PKNOX2: variants seen among roughly 807,000 people sequenced by gnomAD.
The protein encoded by PKNOX2 is homeobox protein PKNOX2.
PKNOX2 carries 14 observed loss-of-function variants against 53.1 expected under a neutral mutation model. That is an observed-to-expected ratio of 0.26 (90% CI 0.17 to 0.41). The LOEUF (loss-of-function observed/expected upper bound fraction) is 0.41. Ranked by LOEUF, PKNOX2 falls within the 10% of genes least tolerant of loss-of-function variation. The pLI is 1.00. For synonymous variants in PKNOX2, 257 were observed against 242.8 expected, an observed-to-expected ratio of 1.06 and a Z score of -0.54; for missense variants, 496 against 602.8, an observed-to-expected ratio of 0.82 and a Z score of 1.85.
Position 125,205,977 on chromosome 11 carries a change from G to A in PKNOX2, c.-200-29068G>A, listed in dbSNP as rs117449068. 1.8e-3 allele frequency among the ~76,000 whole-genome samples: 273 copies of A among 152,204 alleles called. 11 individuals are homozygous for A. In the East Asian group the frequency reaches 0.05, roughly 28 times the overall value. ...TGAATGAGTGGCACAGATTCTATGT[G>A]CTAAGGGAATTCCAGGAAGAAAGAG... is the stretch of plus-strand genomic sequence containing the variant. On this transcript the variant is annotated intron_variant, in intron 1 of 12. Coordinates refer to ENST00000298282, the MANE Select transcript of PKNOX2 (RefSeq NM_001382323.2).
chr11:125,200,446 C>T (rs572096314), intron 1 of PKNOX2, among the ~76,000 whole-genome samples: 5 of 152,328 alleles, frequency 3.3e-5, no homozygotes, highest in Admixed American at 1.3e-4. Flanking sequence ...CTCGTTTCCT[C>T]GTAGCCCAGT....
chr11:125,314,826 G>A (rs1207026249), intron 2 of PKNOX2, among the ~76,000 whole-genome samples: 1 of 152,152 alleles, frequency 6.6e-6, no homozygotes, highest in East Asian at 1.9e-4. Flanking sequence ...GCCCTGGCTG[G>A]ACACTGGATT....
At chr11:125,191,305 C>T (rs1956862443) in intron 1 of PKNOX2, 1 of 152,184 alleles carries the variant, frequency 6.6e-6, no homozygotes, top group Admixed American at 6.5e-5. Context: ...TCACCACAGG[C>T]TACTGCCTGT....
In PKNOX2 at chr11:125,432,656, T is replaced by C. The variant is rs943226362; in HGVS notation, c.*1264T>C. On this transcript the variant is annotated 3_prime_UTR_variant, in exon 13 of 13. Coordinates refer to ENST00000298282, the MANE Select transcript of PKNOX2 (RefSeq NM_001382323.2). ...CTGGAAGGAGGAGGAGGCTCTCCAC[T>C]GTCCACCCTAACACATACCCTCCCA... 6.5e-6 allele frequency: 1 copy of C among 152,830 alleles called. No homozygotes were observed. The highest frequency in any genetic ancestry group is 2.4e-5 in the African/African-American group (1 of 41,474). The allele number at this position is 152,830 out of a possible 1,614,324, so 9.5% of individuals were successfully genotyped here.
chr11:125,202,904 G>A (rs925133282), intron 1 of PKNOX2, among the ~76,000 whole-genome samples: 1 of 152,060 alleles, frequency 6.6e-6, no homozygotes, highest in African/African-American at 2.4e-5. Context: ...GGTATTTTTA[G>A]AGTTTAAAAA....
chr11:125,219,038 C>G (rs1429536863), intron 1 of PKNOX2, among the ~76,000 whole-genome samples: 1 of 152,164 alleles, frequency 6.6e-6, no homozygotes, highest in East Asian at 1.9e-4. Flanking sequence ...TAAATCATGT[C>G]AACTGCAAAA....
intron 7 of PKNOX2, among the ~76,000 whole-genome samples, chr11:125,402,792 C>A (rs140142056): frequency 6.6e-6 from 1 of 152,318 alleles, no homozygotes; most frequent in Non-Finnish European, 1.5e-5. Flanking sequence ...AACTCAGCAT[C>A]CTTCATCCTT....
chr11:125,397,842 C>T (rs1309929540), intron 6 of PKNOX2, 32 bp from the exon 7 acceptor site: 9 of 1,579,094 alleles, frequency 5.7e-6, no homozygotes, highest in Middle Eastern at 1.7e-4. Context: ...GGGATGCAAA[C>T]ACCTGGGCTC....
intron 4 of PKNOX2, among the ~76,000 whole-genome samples, chr11:125,358,476 T>G (rs1951743818): frequency 6.6e-6 from 1 of 152,176 alleles, no homozygotes; most frequent in South Asian, 2.1e-4. Flanking sequence ...GCCCAGGAAA[T>G]GCAGTTAGGG....
intron 1 of PKNOX2, among the ~76,000 whole-genome samples, chr11:125,207,488 T>C (rs191310623): frequency 2.0e-5 from 3 of 152,034 alleles, no homozygotes; most frequent in Non-Finnish European, 4.4e-5. Context: ...GTTTAAAACA[T>C]GATGCGAGAG....
At chr11:125,406,413 G>A (rs1016225045) in intron 7 of PKNOX2, among the ~76,000 whole-genome samples, 16 of 152,170 alleles carry the variant, frequency 1.1e-4, no homozygotes, top group African/African-American at 2.2e-4. Context: ...CTCTGCCTGC[G>A]TGCGCAACCC....
chr11:125,239,414 C>A (rs1021405356), intron 2 of PKNOX2, among the ~76,000 whole-genome samples: 8 of 152,164 alleles, frequency 5.3e-5, no homozygotes, highest in Non-Finnish European at 8.8e-5. Flanking sequence ...AGCTCAGAAT[C>A]CAGCCAGCCC....
intron 6 of PKNOX2, among the ~76,000 whole-genome samples, chr11:125,391,826 T>C (rs975453442): frequency 1.3e-5 from 2 of 152,144 alleles, no homozygotes; most frequent in African/African-American, 4.8e-5. Context: ...GAGCAACACC[T>C]GGGGAGAGGA....
intron 7 of PKNOX2, among the ~76,000 whole-genome samples, chr11:125,401,219 G>GAA (rs2135478132): frequency 6.6e-6 from 1 of 152,256 alleles, no homozygotes; most frequent in East Asian, 1.9e-4. Flanking sequence ...AAAAGAGCAA[G>GAA]AGAGAGAGAC....
intron 7 of PKNOX2, among the ~76,000 whole-genome samples, chr11:125,409,776 A>G (rs1399299250): frequency 6.6e-6 from 1 of 152,106 alleles, no homozygotes; most frequent in African/African-American, 2.4e-5. Flanking sequence ...GGAGCTTTTA[A>G]TAACCCGGAG....
chr11:125,306,949 AGAG>A (rs1948502994), intron 2 of PKNOX2, among the ~76,000 whole-genome samples: 1 of 152,176 alleles, frequency 6.6e-6, no homozygotes, highest in South Asian at 2.1e-4. Context: ...GAGAGGGTGA[AGAG>A]GAGCTTTGGC....
At chr11:125,395,632 G>A (rs538836436) in intron 6 of PKNOX2, among the ~76,000 whole-genome samples, 1 of 152,256 alleles carries the variant, frequency 6.6e-6, no homozygotes, top group East Asian at 1.9e-4. Context: ...TAGGTGTGTA[G>A]TGATATCTCA....
intron 2 of PKNOX2, among the ~76,000 whole-genome samples, chr11:125,242,679 T>C (rs1483984219): frequency 1.3e-5 from 2 of 152,020 alleles, no homozygotes; most frequent in African/African-American, 4.8e-5. Context: ...GAGGGCGGGT[T>C]GTGTGTGAGT....
chr11:125,420,713 A>G (rs537800493), intron 10 of PKNOX2, among the ~76,000 whole-genome samples: 6 of 152,300 alleles, frequency 3.9e-5, no homozygotes, highest in East Asian at 1.9e-4. Flanking sequence ...CATTGTGAAC[A>G]TAGTTTCAGG....
Sources: gnomAD v4.1 joint callset for allele counts (sites outside exome capture counted in the v4.1 genomes callset) on GRCh38, gnomAD v4.1.1 for gene constraint, MANE v1.5 for transcripts, NCBI Gene and HGNC (gene_info 2026-07-23, HGNC 2026-07-21) for gene names.